The following RSPH14 variants were observed in gnomAD, a reference collection of about 807,000 sequenced individuals.
RSPH14 encodes rhabdoid tumor deletion region gene 1.
In RSPH14, 20 loss-of-function variants were observed where a neutral mutation model predicts 26.7. The observed-to-expected ratio is 0.75, with a 90% CI of 0.53 to 1.09. The LOEUF is 1.09. Among genes scored for constraint, RSPH14 ranks in the 50% least tolerant of loss-of-function variants. The pLI is 0.00. For synonymous variants in RSPH14, 177 were observed against 189.3 expected, an observed-to-expected ratio of 0.93 and a Z score of 0.53; for missense variants, 449 against 457.2, an observed-to-expected ratio of 0.98 and a Z score of 0.16.
chr22:23,152,576 T>C, the RSPH14 span: 2 of 1,566,428 alleles, frequency 1.3e-6, no homozygotes, highest in Non-Finnish European at 1.8e-6. Flanking sequence ...CACCAGGTTG[T>C]CATACCTTTG....
At chr22:23,115,629 CGGT>C (rs1240679560) in intron 4 of RSPH14, among the ~76,000 whole-genome samples, 1 of 152,160 alleles carries the variant, frequency 6.6e-6, no homozygotes, top group Non-Finnish European at 1.5e-5. Flanking sequence ...AGTGATGCCT[CGGT>C]GACCCCTAAG....
At chr22:23,086,870 A>C (rs1028139994) in intron 4 of RSPH14, among the ~76,000 whole-genome samples, 39 of 152,346 alleles carry the variant, frequency 2.6e-4, no homozygotes, top group African/African-American at 9.4e-4. Context: ...CCTCAGCAAC[A>C]GAGAGCTGCC....
intron 4 of RSPH14, among the ~76,000 whole-genome samples, chr22:23,072,651 C>T (rs1409388693): frequency 6.6e-6 from 1 of 152,226 alleles, no homozygotes; most frequent in African/African-American, 2.4e-5. Flanking sequence ...AGGGCCTGCC[C>T]TCGTGGGGTG....
At chr22:23,108,011 C>T (rs945876337) in intron 4 of RSPH14, among the ~76,000 whole-genome samples, 1 of 152,220 alleles carries the variant, frequency 6.6e-6, no homozygotes. Flanking sequence ...CCCAGCCACA[C>T]CCTAGGCATC....
chr22:23,102,063 G>C lies in RSPH14; in HGVS notation c.421+31963C>G, dbSNP rs188110440. On this transcript the variant is annotated intron_variant, in intron 4 of 6. Coordinates refer to ENST00000216036, the MANE Select transcript of RSPH14 (RefSeq NM_014433.3). ...CTATAGCTGGGCCACCCGTGGCCTAGAGGCCCCACCAACACTTGTGAACAG... is the reference window on the plus strand; with the variant it reads ...CTATAGCTGGGCCACCCGTGGCCTACAGGCCCCACCAACACTTGTGAACAG... Among the ~76,000 whole-genome samples, 22 of 152,328 alleles carry C rather than the reference G, an allele frequency of 1.4e-4. 1 individual carries two copies. In the East Asian group the frequency reaches 4.3e-3, roughly 29 times the overall value.
intron 4 of RSPH14, among the ~76,000 whole-genome samples, chr22:23,098,824 G>A (rs1029957763): frequency 6.6e-6 from 1 of 152,262 alleles, no homozygotes; most frequent in Non-Finnish European, 1.5e-5. Flanking sequence ...CTGGCCCCCA[G>A]AGTGGTGCCG....
intron 4 of RSPH14, among the ~76,000 whole-genome samples, chr22:23,121,980 C>T (rs2070042381): frequency 6.6e-6 from 1 of 152,124 alleles, no homozygotes; most frequent in Non-Finnish European, 1.5e-5. Flanking sequence ...ATCCACCTGC[C>T]TCAGCCTCCT....
intron 3 of RSPH14, among the ~76,000 whole-genome samples, chr22:23,136,651 G>A (rs1601863740): frequency 7.2e-6 from 1 of 138,378 alleles, no homozygotes; most frequent in Non-Finnish European, 1.6e-5. Flanking sequence ...AAGTAATTGC[G>A]GTTTTTACCA....
Position 23,131,445 on chromosome 22 carries a change from C to G in RSPH14, c.421+2581G>C, listed in dbSNP as rs151264453. 3.1e-3 allele frequency: 1,200 copies of G among 383,998 alleles called. 2 individuals carry two copies. The highest frequency in any genetic ancestry group is 3.6e-3 in the Non-Finnish European group (749 of 208,774). The allele number at this position is 383,998 out of a possible 1,614,324, so 23.8% of individuals were successfully genotyped here. On this transcript the variant is annotated intron_variant, in intron 4 of 6. Coordinates refer to ENST00000216036, the MANE Select transcript of RSPH14 (RefSeq NM_014433.3). ...AGGTTCACAGGGTGCTTGGACTGTA[C>G]CTATGATTTCTTCAAATAAAAATTT...
At chr22:23,145,486 GT>G (rs975264742), upstream of RSPH14, 1 of 1,608,562 alleles carries the variant, frequency 6.2e-7, no homozygotes. Flanking sequence ...CGTTGCCATG[GT>G]GATCGCCGCC....
At chr22:23,178,382 C>A in the RSPH14 span, among the ~76,000 whole-genome samples, 4 of 151,158 alleles carry the variant, frequency 2.6e-5, no homozygotes, top group Non-Finnish European at 4.4e-5. Flanking sequence ...CTCCACTGCA[C>A]TCCAGCCTGG....
the RSPH14 span, among the ~76,000 whole-genome samples, chr22:23,164,974 T>C: frequency 2.1e-5 from 3 of 145,608 alleles, no homozygotes; most frequent in African/African-American, 7.6e-5. Flanking sequence ...CAGACCCCTC[T>C]TCTGTGCCCA....
chr22:23,131,637 C>T (rs1287920543), intron 4 of RSPH14: 104 of 1,303,920 alleles, frequency 8.0e-5, no homozygotes, highest in Non-Finnish European at 1.0e-4. Context: ...CTCCACACTC[C>T]AAGAATGAGG....
At chr22:23,164,818 T>C in the RSPH14 span, among the ~76,000 whole-genome samples, 1 of 152,258 alleles carries the variant, frequency 6.6e-6, no homozygotes, top group East Asian at 1.9e-4. Flanking sequence ...AAGCAGGTCC[T>C]CTCCTGTCAC....
chr22:23,113,664 C>T (rs1426750919), intron 4 of RSPH14, among the ~76,000 whole-genome samples: 1 of 152,224 alleles, frequency 6.6e-6, no homozygotes, highest in Non-Finnish European at 1.5e-5. Context: ...CACCACAGGC[C>T]CCTCCACTCG....
At chr22:23,164,703 G>A in the RSPH14 span, among the ~76,000 whole-genome samples, 2 of 152,264 alleles carry the variant, frequency 1.3e-5, no homozygotes, top group African/African-American at 2.4e-5. Context: ...AAGTGCTGCC[G>A]AAACGCCTTT....
chr22:23,157,625 C>T, the RSPH14 span, among the ~76,000 whole-genome samples: 1 of 152,196 alleles, frequency 6.6e-6, no homozygotes, highest in Non-Finnish European at 1.5e-5. Context: ...CTACAGGTCT[C>T]GTCCTCGCCA....
chr22:23,106,337 G>A (rs1601812375), intron 4 of RSPH14, among the ~76,000 whole-genome samples: 1 of 152,342 alleles, frequency 6.6e-6, no homozygotes, highest in East Asian at 1.9e-4. Flanking sequence ...GGACAGGGGT[G>A]CCAACATCCT....
the RSPH14 span, among the ~76,000 whole-genome samples, chr22:23,152,758 C>T: frequency 2.0e-3 from 303 of 152,336 alleles, 1 homozygote; most frequent in African/African-American, 5.8e-3. Flanking sequence ...GACTGTCCCC[C>T]TGGGGCCACG....
Sources: allele counts gnomAD v4.1 joint callset (sites outside exome capture counted in the v4.1 genomes callset), GRCh38; gene constraint gnomAD v4.1.1; transcripts MANE v1.5; gene names NCBI Gene and HGNC (gene_info 2026-07-23, HGNC 2026-07-21).